Variants in ZNF362 observed in about 807,000 individuals in gnomAD.
The protein encoded by ZNF362 is rotund homolog.
In ZNF362, 11 loss-of-function variants were observed where a neutral mutation model predicts 42.9. The ratio of observed to expected loss-of-function variants is 0.26; its 90% CI spans 0.16 to 0.42. The LOEUF (loss-of-function observed/expected upper bound fraction) is 0.42. Among genes scored for constraint, ZNF362 ranks in the 20% least tolerant of loss-of-function variants. The probability of loss-of-function intolerance (pLI) is 1.00; values close to 1 mark genes in which losing one functional copy is unlikely to be tolerated. For synonymous variants in ZNF362, 255 were observed against 257.3 expected, an observed-to-expected ratio of 0.99 and a Z score of 0.09; for missense variants, 362 against 576.2, an observed-to-expected ratio of 0.63 and a Z score of 3.81.
chr1:33,135,688 A>G, the ZNF362 span, among the ~76,000 whole-genome samples: 6 of 152,184 alleles, frequency 3.9e-5, no homozygotes, highest in Admixed American at 3.3e-4. Context: ...TGCAGGTCTC[A>G]GCTTCAGCAG....
At chr1:33,226,016 G>T in the ZNF362 span, among the ~76,000 whole-genome samples, 1 of 152,038 alleles carries the variant, frequency 6.6e-6, no homozygotes. Flanking sequence ...GGATTATTGT[G>T]ATTGGTTTAG....
chr1:33,165,445 C>T, the ZNF362 span: 5 of 1,558,274 alleles, frequency 3.2e-6, no homozygotes, highest in Non-Finnish European at 4.3e-6. This position sits in a 1 kb window ranked among gnomAD's most constrained non-coding sequence, Gnocchi z 4.0. Context: ...CTGCCGGCCC[C>T]ACCTCCGCGC....
At chr1:33,229,105 G>A in the ZNF362 span, among the ~76,000 whole-genome samples, 3 of 152,086 alleles carry the variant, frequency 2.0e-5, no homozygotes, top group African/African-American at 7.2e-5. Context: ...GGGTCAGGAA[G>A]GTTGGGGGTG....
intron 6 of ZNF362, among the ~76,000 whole-genome samples, chr1:33,288,765 A>AAAAAAAAAAAAAAAAAAAATAG: frequency 7.5e-6 from 1 of 133,700 alleles, no homozygotes; most frequent in Non-Finnish European, 1.7e-5. Flanking sequence ...AAAAAAAAGA[A>AAAAAAAAAAAAAAAAAAAATAG]GCGTGACCAC....
At chr1:33,166,760 A>T in the ZNF362 span, among the ~76,000 whole-genome samples, 1 of 152,142 alleles carries the variant, frequency 6.6e-6, no homozygotes, top group Non-Finnish European at 1.5e-5. Context: ...AACACACAAG[A>T]TATCAAAATT....
chr1:33,276,036 G>C, intron 2 of ZNF362, 64 bp from the exon 3 acceptor site: 1 of 1,583,930 alleles, frequency 6.3e-7, no homozygotes, highest in Non-Finnish European at 8.7e-7. Context: ...GCGCAGCTGA[G>C]GGGTGCTCGC....
the ZNF362 span, among the ~76,000 whole-genome samples, chr1:33,232,836 A>G: frequency 3.3e-5 from 5 of 152,278 alleles, no homozygotes; most frequent in East Asian, 1.9e-4. Context: ...CTCCTGTGAC[A>G]CTTGTCTGCT....
chr1:33,289,223 A>G (rs1405591936), intron 6 of ZNF362, among the ~76,000 whole-genome samples: 2 of 152,210 alleles, frequency 1.3e-5, no homozygotes, highest in African/African-American at 4.8e-5. Flanking sequence ...GGGAGGCTGC[A>G]TCTGCATGTG....
At chr1:33,159,660 G>A in the ZNF362 span, 34 of 1,588,102 alleles carry the variant, frequency 2.1e-5, no homozygotes, top group Middle Eastern at 3.4e-4. This position sits in a 1 kb window ranked among gnomAD's most constrained non-coding sequence, Gnocchi z 4.2. Flanking sequence ...ATGGTCAGCC[G>A]GGGAGGGCCC....
chr1:33,208,522 G>C, the ZNF362 span, among the ~76,000 whole-genome samples: 1 of 152,086 alleles, frequency 6.6e-6, no homozygotes, highest in South Asian at 2.1e-4. Flanking sequence ...ACCTTGTGCA[G>C]TATGGCCATT....
the ZNF362 span, among the ~76,000 whole-genome samples, chr1:33,242,512 A>G: frequency 6.6e-6 from 1 of 152,148 alleles, no homozygotes; most frequent in Non-Finnish European, 1.5e-5. Context: ...TGTCAATAAT[A>G]CATAAAGTGG....
At chr1:33,191,739 A>G in the ZNF362 span, among the ~76,000 whole-genome samples, 7 of 152,308 alleles carry the variant, frequency 4.6e-5, no homozygotes, top group African/African-American at 1.7e-4. Flanking sequence ...TCCTGACCTC[A>G]GGTGATTCAC....
At chr1:33,180,960 AC>A in the ZNF362 span, 1 of 209,064 alleles carries the variant, frequency 4.8e-6, no homozygotes, top group Non-Finnish European at 8.6e-6. Context: ...CCCTGACCCC[AC>A]CCCCCGCCCG....
chr1:33,170,279 G>A, the ZNF362 span, among the ~76,000 whole-genome samples: 186 of 151,396 alleles, frequency 1.2e-3, 2 homozygotes, highest in African/African-American at 4.3e-3. Flanking sequence ...AGCCAAGATC[G>A]TGCCACTGCA....
chr1:33,241,520 A>G, the ZNF362 span, among the ~76,000 whole-genome samples: 1 of 152,076 alleles, frequency 6.6e-6, no homozygotes, highest in African/African-American at 2.4e-5. Context: ...AGATGTACGA[A>G]TAAAATTTTT....
the ZNF362 span, among the ~76,000 whole-genome samples, chr1:33,138,640 A>AAAAAAG: frequency 6.7e-6 from 1 of 149,418 alleles, no homozygotes; most frequent in Non-Finnish European, 1.5e-5. Flanking sequence ...AAAAAAAAAA[A>AAAAAAG]AAAAAGAAAA....
the ZNF362 span, among the ~76,000 whole-genome samples, chr1:33,189,212 C>G: frequency 6.6e-6 from 1 of 152,120 alleles, no homozygotes; most frequent in Non-Finnish European, 1.5e-5. Context: ...GTCCATAAAC[C>G]AGGCCTAAGC....
the ZNF362 span, among the ~76,000 whole-genome samples, chr1:33,136,167 CTT>C: frequency 3.6e-4 from 53 of 145,558 alleles, 1 homozygote; most frequent in African/African-American, 1.1e-3. Flanking sequence ...TCCTTCCTTC[CTT>C]CCTTCCCTCC....
At chr1:33,279,658 T>TTG (rs386366663) in intron 4 of ZNF362, among the ~76,000 whole-genome samples, 1 of 151,608 alleles carries the variant, frequency 6.6e-6, no homozygotes, top group African/African-American at 2.4e-5. Flanking sequence ...TTTTTTTTTT[T>TTG]TATTACTCCT....
Sources: gnomAD v4.1 joint callset for allele counts (sites outside exome capture counted in the v4.1 genomes callset) on GRCh38, gnomAD v4.1.1 for gene constraint, Gnocchi (gnomAD v3.1) non-coding constraint, MANE v1.5 for transcripts, NCBI Gene and HGNC (gene_info 2026-07-23, HGNC 2026-07-21) for gene names.